Variants in ANPEP observed in about 807,000 individuals in gnomAD.
ANPEP encodes the protein alanyl aminopeptidase, membrane, also known as aminopeptidase N.
A neutral mutation model predicts 114.6 loss-of-function variants in ANPEP; 70 were observed. The observed-to-expected ratio is 0.61, with a 90% CI of 0.50 to 0.75. The LOEUF is 0.75. Ranked by LOEUF, ANPEP falls within the 30% of genes least tolerant of loss-of-function variation. The pLI, the probability that ANPEP is intolerant of heterozygous loss-of-function variation, is 0.00. For missense variants in ANPEP, 1,184 were observed against 1,259.5 expected (o/e 0.94, Z 0.91); for synonymous variants, 548 against 522.3 (o/e 1.05, Z -0.67).
intron 1 of ANPEP, among the ~76,000 whole-genome samples, chr15:89,808,381 C>T (rs1894761453): frequency 6.6e-6 from 1 of 152,252 alleles, no homozygotes; most frequent in Non-Finnish European, 1.5e-5. Flanking sequence ...GCGTGGTTTT[C>T]CCTTTGATCT....
rs527736294 is a variant in ANPEP at position 89,806,019 on chromosome 15, C to T, written c.565G>A (p.Asp189Asn). 2 of 1,609,570 alleles carry T rather than the reference C, an allele frequency of 1.2e-6. No homozygotes were observed. The highest frequency in any genetic ancestry group is 2.2e-5 in the South Asian group (2 of 90,854). ...TCGCTGCGGTAGAAGCCCGCCAGGT[C>T]ATCTGCCAACTCCCCCTCGAACTCG... The part of the protein sequence containing the change: ...DSEFEGELAD[D>N]LAGFYRSEYM... Residue 189 changes from aspartate (D) to asparagine (N), a missense_variant, in exon 2 of 21, where the codon GAC (aspartate) becomes AAC (asparagine). By Grantham distance (23) the Asp-to-Asn change is conservative (BLOSUM62 1). Coordinates refer to ENST00000300060, the MANE Select transcript of ANPEP (RefSeq NM_001150.3). The surrounding 1 kb of genome is among the most constrained non-coding windows in gnomAD (Gnocchi z 5.7).
chr15:89,812,258 C>T (rs1894829160), intron 1 of ANPEP, among the ~76,000 whole-genome samples: 1 of 152,240 alleles, frequency 6.6e-6, no homozygotes, highest in Non-Finnish European at 1.5e-5. Context: ...ACTCAGTGTC[C>T]CTGACTGTGA....
intron 15 of ANPEP, among the ~76,000 whole-genome samples, chr15:89,793,628 G>A (rs538092393): frequency 3.3e-5 from 5 of 151,070 alleles, no homozygotes; most frequent in Non-Finnish European, 7.4e-5. Flanking sequence ...GCTTAAACCC[G>A]GGAGGCAGAG....
At chr15:89,801,279 C>T (rs1163437475) in intron 11 of ANPEP, 92 bp from the exon 12 acceptor site, 1 of 1,558,144 alleles carries the variant, frequency 6.4e-7, no homozygotes. Flanking sequence ...CTGCCCAGCT[C>T]TGGCACCGAG....
intron 14 of ANPEP, among the ~76,000 whole-genome samples, chr15:89,798,722 A>G (rs1894523875): frequency 6.6e-6 from 1 of 150,648 alleles, no homozygotes; most frequent in South Asian, 2.1e-4. Context: ...TGGGTGGATC[A>G]CAAGGTCAGG....
rs1348211891 is a variant in ANPEP, at chr15:89,785,002, A to G, written c.*347T>C. On this transcript the variant is annotated 3_prime_UTR_variant, in exon 21 of 21. Coordinates refer to ENST00000300060, the MANE Select transcript of ANPEP (RefSeq NM_001150.3). ...TCTTTAGGGAAAGGTGAAAGAGGGT[A>G]CAGGGCGGCCCCCAGCAAGGCCGTT... 2.0e-5 allele frequency: 5 copies of G among 246,348 alleles called. No homozygotes were observed. The highest frequency in any genetic ancestry group is 3.2e-5 in the Non-Finnish European group (4 of 124,490). The allele number at this position is 246,348 out of a possible 1,614,324, so 15.3% of individuals were successfully genotyped here.
chr15:89,792,628 C>T, intron 16 of ANPEP, 66 bp from the exon 17 acceptor site: 1 of 1,420,840 alleles, frequency 7.0e-7, no homozygotes. Context: ...CCTCTTGACA[C>T]ACAACCCCAG....
At chr15:89,796,587 A>C (rs1968730998) in intron 15 of ANPEP, among the ~76,000 whole-genome samples, 1 of 151,702 alleles carries the variant, frequency 6.6e-6, no homozygotes, top group South Asian at 2.1e-4. Context: ...TCCCAGGTTC[A>C]TGCCATTCTC....
intron 14 of ANPEP, among the ~76,000 whole-genome samples, chr15:89,798,186 G>A (rs968436193): frequency 2.6e-5 from 4 of 152,162 alleles, no homozygotes; most frequent in Non-Finnish European, 5.9e-5. Flanking sequence ...CCTTGTCTGT[G>A]GGTGACATCA....
At chr15:89,790,340 G>A (rs1968595921) in intron 20 of ANPEP, 120 bp downstream of exon 20, 3 of 800,426 alleles carry the variant, frequency 3.7e-6, no homozygotes, top group African/African-American at 1.7e-5. Flanking sequence ...CTCTGTAAAT[G>A]AGGAAGGCCT....
At chr15:89,796,532 G>A (rs753007097) in intron 15 of ANPEP, among the ~76,000 whole-genome samples, 2 of 151,412 alleles carry the variant, frequency 1.3e-5, no homozygotes, top group Non-Finnish European at 2.9e-5. Context: ...CTGTTGCCCA[G>A]GCTGGAGTGC....
At chr15:89,786,647 C>G (rs1968512749) in intron 20 of ANPEP, among the ~76,000 whole-genome samples, 1 of 151,348 alleles carries the variant, frequency 6.6e-6, no homozygotes, top group African/African-American at 2.4e-5. Context: ...GAGCTGTGAT[C>G]TCACCACTGT....
At chr15:89,804,676 G>A (rs1894673027) in intron 4 of ANPEP, 59 bp from the exon 5 acceptor site, 2 of 1,588,548 alleles carry the variant, frequency 1.3e-6, no homozygotes, top group Non-Finnish European at 1.7e-6. Context: ...GGGCAGGTGG[G>A]CTGGGTCCCA....
intron 1 of ANPEP, among the ~76,000 whole-genome samples, chr15:89,809,118 C>A (rs994917121): frequency 6.6e-6 from 1 of 152,196 alleles, no homozygotes; most frequent in African/African-American, 2.4e-5. Context: ...CCAGCTTGGG[C>A]GTGGTGAGAG....
intron 1 of ANPEP, among the ~76,000 whole-genome samples, chr15:89,812,877 G>A (rs1894840180): frequency 1.3e-5 from 2 of 152,140 alleles, no homozygotes; most frequent in South Asian, 4.1e-4. Context: ...CCGTGCCAAG[G>A]GGAGTTGAAG....
Position 89,784,946 on chromosome 15 carries a change from C to A in ANPEP, c.*403G>T. On this transcript the variant is annotated 3_prime_UTR_variant, in exon 21 of 21. Coordinates refer to ENST00000300060, the MANE Select transcript of ANPEP (RefSeq NM_001150.3). The stretch of plus-strand genomic sequence containing the variant: ...TTCTCTTAGAAAAAAATATACAGAT[C>A]TGCTGCCCTGTTGATTCCTCAGATT... 1 of 172,440 alleles carries A rather than the reference C, an allele frequency of 5.8e-6. No homozygotes were observed. Among genetic ancestry groups the A allele is most frequent in the Non-Finnish European group, 1.3e-5 (1 of 79,904 alleles). 10.7% of individuals were successfully genotyped at this position (172,440 alleles called of 1,614,324 possible).
Position 89,803,705 on chromosome 15 carries a change from G to C in ANPEP, c.1379C>G (p.Ser460Trp), listed in dbSNP as rs764118324. 1 of 1,613,318 alleles carries C rather than the reference G, an allele frequency of 6.2e-7. No homozygotes were observed. The highest frequency in any genetic ancestry group is 1.3e-5 in the African/African-American group (1 of 75,044). The change falls in exon 8 of 21, where the codon TCG becomes TGG. Residue 460 changes from serine (S) to tryptophan (W), a missense_variant. By Grantham distance (177) the Ser-to-Trp change is radical. Coordinates refer to ENST00000300060, the MANE Select transcript of ANPEP (RefSeq NM_001150.3). This position sits in a 1 kb window ranked among gnomAD's most constrained non-coding sequence, Gnocchi z 4.2. ...GATCTGGGCCGGCGTGTTGATCTCC[G>C]AGGCGGGTGTGGACAGCGGGTGGGA... ...ASSHPLSTPA[S>W]EINTPAQISE...
intron 15 of ANPEP, 95 bp downstream of exon 15, chr15:89,797,480 G>T: frequency 6.9e-7 from 1 of 1,448,274 alleles, no homozygotes; most frequent in Non-Finnish European, 9.2e-7. Flanking sequence ...TCCCTGACCA[G>T]GAGTCCAGTA....
intron 10 of ANPEP, chr15:89,802,390 C>T (rs1894611107): frequency 6.6e-6 from 1 of 152,158 alleles, no homozygotes; most frequent in South Asian, 2.1e-4. Context: ...TGGAAATTGC[C>T]CAGCAGGGAC....
Sources: gnomAD v4.1 joint callset for allele counts (sites outside exome capture counted in the v4.1 genomes callset) on GRCh38, gnomAD v4.1.1 for gene constraint, Gnocchi (gnomAD v3.1) non-coding constraint, MANE v1.5 for transcripts, NCBI Gene and HGNC (gene_info 2026-07-23, HGNC 2026-07-21) for gene names.